ZNF69: variants seen among roughly 807,000 people sequenced by gnomAD.
ZNF69 encodes ZNF3.
A neutral mutation model predicts 50.9 loss-of-function variants in ZNF69; 47 were observed. That is an observed-to-expected ratio of 0.92 (90% confidence interval 0.73 to 1.18). The LOEUF (loss-of-function observed/expected upper bound fraction) is 1.18, where lower values mean the gene tolerates loss of function less well. Among genes scored for constraint, ZNF69 ranks in the 50% most tolerant of loss-of-function variants. The probability of loss-of-function intolerance (pLI) is 0.00; values close to 1 mark genes in which losing one functional copy is unlikely to be tolerated. For synonymous variants in ZNF69, 216 were observed against 223.1 expected (o/e 0.97, Z 0.29); for missense variants, 717 against 675.1 (o/e 1.06, Z -0.69).
At chr19:11,978,249 T>A in the ZNF69 span, 1 of 1,614,012 alleles carries the variant, frequency 6.2e-7, no homozygotes, top group Non-Finnish European at 8.5e-7. Context: ...ATGTGATAAC[T>A]TTGTATGTGG....
chr19:11,950,022 TGAAAG>T, the ZNF69 span: 266 of 1,614,016 alleles, frequency 1.6e-4, no homozygotes, highest in Middle Eastern at 3.3e-4. Context: ...TTCAAATACA[TGAAAG>T]GAAGCACAGA....
the ZNF69 span, among the ~76,000 whole-genome samples, chr19:11,952,468 G>A: frequency 6.6e-6 from 1 of 152,162 alleles, no homozygotes; most frequent in African/African-American, 2.4e-5. Context: ...TCAACAGCCT[G>A]CTTATCTCAG....
the ZNF69 span, among the ~76,000 whole-genome samples, chr19:11,921,572 G>A: frequency 5.9e-5 from 9 of 151,496 alleles, no homozygotes; most frequent in Admixed American, 1.3e-4. Flanking sequence ...GCATAATCTC[G>A]GCTCACTGCA....
At chr19:11,942,012 G>C in the ZNF69 span, among the ~76,000 whole-genome samples, 2 of 152,204 alleles carry the variant, frequency 1.3e-5, no homozygotes, top group African/African-American at 4.8e-5. Flanking sequence ...TTCTCGTTTG[G>C]CCTCTTGTGC....
At chr19:11,888,802 T>TA (rs1423553362) in intron 1 of ZNF69, among the ~76,000 whole-genome samples, 3 of 152,014 alleles carry the variant, frequency 2.0e-5, no homozygotes, top group Non-Finnish European at 4.4e-5. Context: ...ACCCCGTCTC[T>TA]ACTAAAAATA....
downstream of ZNF69, among the ~76,000 whole-genome samples, chr19:11,916,208 A>AC (rs1452002609): frequency 1.3e-5 from 2 of 152,252 alleles, no homozygotes; most frequent in African/African-American, 4.8e-5. Context: ...ATAACAAAAA[A>AC]GTCTAGGTAC....
chr19:11,957,592 C>T, the ZNF69 span, among the ~76,000 whole-genome samples: 1 of 151,948 alleles, frequency 6.6e-6, no homozygotes, highest in African/African-American at 2.4e-5. Flanking sequence ...TGCCTGTAAT[C>T]CCAGCACTTT....
In ZNF69 at chr19:11,905,950, C is replaced by T. The variant is rs1168204968; in HGVS notation, c.1553C>T (p.Ser518Phe). 6.2e-7 allele frequency: 1 copy of T among 1,613,882 alleles called. No homozygotes were observed. The highest frequency in any genetic ancestry group is 1.3e-5 in the African/African-American group (1 of 74,850). Residue 518 changes from serine to phenylalanine, a missense_variant, in exon 4 of 4, where the codon TCC becomes TTC. Transcript: ENST00000429654. ...CAATGTGGTGAAGCCTTCAGTAGTT[C>T]CAGTTCCTTTCGATACCATGAAAGG... ...CKQCGEAFSS[S>F]SSFRYHERTH...
chr19:11,978,522 T>C, the ZNF69 span: 1 of 1,614,118 alleles, frequency 6.2e-7, no homozygotes, highest in East Asian at 2.2e-5. Context: ...GGATGGACCT[T>C]ATAAATGTAA....
intron 1 of ZNF69, among the ~76,000 whole-genome samples, chr19:11,893,068 C>T (rs1261128270): frequency 1.3e-5 from 2 of 152,216 alleles, no homozygotes; most frequent in African/African-American, 2.4e-5. Flanking sequence ...CTCCTGTCCT[C>T]AAGTGGTCCG....
chr19:11,977,159 C>G, the ZNF69 span: 2 of 1,614,054 alleles, frequency 1.2e-6, no homozygotes, highest in Non-Finnish European at 1.7e-6. Context: ...AACCTGACCT[C>G]TATAGGTAAG....
At chr19:11,955,388 C>T in the ZNF69 span, among the ~76,000 whole-genome samples, 1 of 143,118 alleles carries the variant, frequency 7.0e-6, no homozygotes. Flanking sequence ...ATTTCTTTTT[C>T]TTTCTTTCTT....
chr19:11,902,775 C>G (rs1972273960), intron 1 of ZNF69, among the ~76,000 whole-genome samples: 1 of 151,784 alleles, frequency 6.6e-6, no homozygotes, highest in Admixed American at 6.6e-5. Flanking sequence ...TTCAAGGATA[C>G]ACAGCCTCAG....
At chr19:11,957,986 G>A in the ZNF69 span, among the ~76,000 whole-genome samples, 1 of 152,204 alleles carries the variant, frequency 6.6e-6, no homozygotes, top group South Asian at 2.1e-4. Context: ...GGAATATCTA[G>A]TGGGTGTCTG....
the ZNF69 span, among the ~76,000 whole-genome samples, chr19:11,942,824 T>G: frequency 6.6e-6 from 1 of 152,186 alleles, no homozygotes; most frequent in Non-Finnish European, 1.5e-5. Context: ...TGACTATTGA[T>G]CTCATTTCTG....
chr19:11,925,395 C>T, the ZNF69 span: 2 of 1,470,242 alleles, frequency 1.4e-6, no homozygotes, highest in South Asian at 1.2e-5. Flanking sequence ...CCGAGTCCTC[C>T]TTGAGCAGTT....
the ZNF69 span, among the ~76,000 whole-genome samples, chr19:11,962,222 G>C: frequency 3.9e-5 from 6 of 152,064 alleles, no homozygotes; most frequent in African/African-American, 1.4e-4. Flanking sequence ...TTCAAGACCA[G>C]CCTGGACAAC....
the ZNF69 span, among the ~76,000 whole-genome samples, chr19:11,939,286 G>C: frequency 3.3e-5 from 5 of 152,140 alleles, no homozygotes; most frequent in Admixed American, 6.6e-5. Context: ...GTGTTTTAGT[G>C]ATGAAGTCCT....
chr19:11,939,788 T>C, the ZNF69 span, among the ~76,000 whole-genome samples: 2 of 152,220 alleles, frequency 1.3e-5, no homozygotes, highest in Non-Finnish European at 2.9e-5. Context: ...TCATTACTTA[T>C]TGGAAAACAA....
Sources: gnomAD v4.1 joint callset for allele counts (sites outside exome capture counted in the v4.1 genomes callset) on GRCh38, gnomAD v4.1.1 for gene constraint, MANE v1.5 for transcripts, NCBI Gene and HGNC (gene_info 2026-07-23, HGNC 2026-07-21) for gene names.